PGCKA1: variants seen among roughly 807,000 people sequenced by gnomAD.
PGCKA1 encodes PDCD10 and GCKIII kinases associated 1, also known as PDCD10 and GCKIII kinases-associated protein 1.
the PGCKA1 span, among the ~76,000 whole-genome samples, chr4:37,521,755 A>G: frequency 1.3e-5 from 2 of 152,268 alleles, no homozygotes; most frequent in African/African-American, 4.8e-5. Flanking sequence ...TTTCTGTCTA[A>G]AAGATCTGTC....
At chr4:37,486,563 G>A in the PGCKA1 span, among the ~76,000 whole-genome samples, 34 of 152,244 alleles carry the variant, frequency 2.2e-4, no homozygotes, top group African/African-American at 7.5e-4. Flanking sequence ...AAGAACCAGC[G>A]TTGCCAAACT....
At chr4:37,485,587 G>T in the PGCKA1 span, among the ~76,000 whole-genome samples, 1 of 151,958 alleles carries the variant, frequency 6.6e-6, no homozygotes, top group Non-Finnish European at 1.5e-5. Flanking sequence ...CCAGTCTCAG[G>T]TATTCTGTTG....
the PGCKA1 span, among the ~76,000 whole-genome samples, chr4:37,520,610 A>T: frequency 6.7e-6 from 1 of 150,158 alleles, no homozygotes; most frequent in Non-Finnish European, 1.5e-5. Context: ...TGTAACATTT[A>T]TTTTTTTTTC....
chr4:37,520,880 G>C, the PGCKA1 span, among the ~76,000 whole-genome samples: 1 of 152,170 alleles, frequency 6.6e-6, no homozygotes, highest in Non-Finnish European at 1.5e-5. Flanking sequence ...GCCTCCCAAA[G>C]TGCTGGGATT....
the PGCKA1 span, among the ~76,000 whole-genome samples, chr4:37,581,307 G>A: frequency 6.6e-6 from 1 of 152,128 alleles, no homozygotes; most frequent in Non-Finnish European, 1.5e-5. This position sits in a 1 kb window ranked among gnomAD's most constrained non-coding sequence, Gnocchi z 4.4. Context: ...TCAAGTAGAA[G>A]TAGTCTCTCC....
chr4:37,553,604 C>T, the PGCKA1 span, among the ~76,000 whole-genome samples: 1 of 152,036 alleles, frequency 6.6e-6, no homozygotes, highest in Non-Finnish European at 1.5e-5. Flanking sequence ...GAAAATAATG[C>T]TGCCAATGTA....
the PGCKA1 span, among the ~76,000 whole-genome samples, chr4:37,566,493 C>G: frequency 6.6e-6 from 1 of 152,152 alleles, no homozygotes; most frequent in African/African-American, 2.4e-5. Context: ...GTTGGCCAGG[C>G]TGGTCTCGAA....
the PGCKA1 span, among the ~76,000 whole-genome samples, chr4:37,576,757 T>C: frequency 6.6e-6 from 1 of 152,130 alleles, no homozygotes; most frequent in Non-Finnish European, 1.5e-5. Flanking sequence ...TGTTCCCTAC[T>C]ATACCCAGTG....
chr4:37,543,866 T>C, the PGCKA1 span, among the ~76,000 whole-genome samples: 1 of 152,004 alleles, frequency 6.6e-6, no homozygotes, highest in African/African-American at 2.4e-5. Context: ...AGAGCCTTCT[T>C]AGCTTCTCCA....
At chr4:37,543,534 T>G in the PGCKA1 span, among the ~76,000 whole-genome samples, 3 of 152,120 alleles carry the variant, frequency 2.0e-5, no homozygotes, top group East Asian at 5.8e-4. Context: ...ATTCTGTTCA[T>G]TTCATCTCTT....
the PGCKA1 span, among the ~76,000 whole-genome samples, chr4:37,576,144 A>G: frequency 6.6e-6 from 1 of 151,982 alleles, no homozygotes; most frequent in East Asian, 1.9e-4. Flanking sequence ...ATGTTGATAG[A>G]GATTGCATGG....
the PGCKA1 span, among the ~76,000 whole-genome samples, chr4:37,592,353 G>GGAAAA: frequency 9.2e-6 from 1 of 108,196 alleles, no homozygotes; most frequent in Admixed American, 9.7e-5. Flanking sequence ...CCATCTCTAT[G>GGAAAA]AAAAAAAAAA....
the PGCKA1 span, among the ~76,000 whole-genome samples, chr4:37,499,793 A>G: frequency 6.7e-6 from 1 of 150,022 alleles, no homozygotes; most frequent in Admixed American, 6.6e-5. Context: ...TCATCTCTCA[A>G]TCTTCTTCAG....
chr4:37,511,413 G>A, the PGCKA1 span, among the ~76,000 whole-genome samples: 2 of 152,092 alleles, frequency 1.3e-5, no homozygotes, highest in African/African-American at 4.8e-5. Flanking sequence ...TTAGTCAGTA[G>A]GTAATGGATC....
At chr4:37,587,776 A>G in the PGCKA1 span, among the ~76,000 whole-genome samples, 47,916 of 152,028 alleles carry the variant, frequency 0.32, 9,038 homozygotes, top group Non-Finnish European at 0.42. Flanking sequence ...TGAGACCAGC[A>G]TGGCCAACGT....
the PGCKA1 span, among the ~76,000 whole-genome samples, chr4:37,529,320 T>C: frequency 7.2e-5 from 11 of 152,326 alleles, no homozygotes; most frequent in East Asian, 2.1e-3. Context: ...TAGTAAATCT[T>C]GTAATATTTC....
chr4:37,564,395 G>A, the PGCKA1 span, among the ~76,000 whole-genome samples: 2 of 151,984 alleles, frequency 1.3e-5, no homozygotes, highest in Admixed American at 1.3e-4. Context: ...TGCCAGCCCT[G>A]TCACATGCTT....
At chr4:37,579,161 G>A in the PGCKA1 span, among the ~76,000 whole-genome samples, 2 of 151,974 alleles carry the variant, frequency 1.3e-5, no homozygotes, top group East Asian at 3.9e-4. Flanking sequence ...AAAAAACAAA[G>A]ATTCTAACTT....
chr4:37,531,858 G>C, the PGCKA1 span, among the ~76,000 whole-genome samples: 65 of 138,534 alleles, frequency 4.7e-4, no homozygotes, highest in Admixed American at 6.9e-4. Flanking sequence ...CGCCACTGCA[G>C]TCCAGCCTGG....
Sources: allele counts gnomAD v4.1 joint callset (sites outside exome capture counted in the v4.1 genomes callset), GRCh38; gene constraint gnomAD v4.1.1; non-coding constraint Gnocchi (gnomAD v3.1); transcripts MANE v1.5; gene names NCBI Gene and HGNC (gene_info 2026-07-23, HGNC 2026-07-21).